The following GRK4 variants were observed in gnomAD, a reference collection of about 807,000 sequenced individuals.
The protein encoded by GRK4 is G protein-coupled receptor kinase 4, also known as G protein-coupled receptor kinase 2-like.
GRK4 carries 73 observed loss-of-function variants against 77.9 expected under a neutral mutation model. That is an observed-to-expected ratio of 0.94 (90% confidence interval 0.78 to 1.14). GRK4 has a LOEUF of 1.14. Among genes scored for constraint, GRK4 ranks in the 50% most tolerant of loss-of-function variants. GRK4 has a pLI of 0.00. For synonymous variants in GRK4, 257 were observed against 254.4 expected, an observed-to-expected ratio of 1.01 and a Z score of -0.10; for missense variants, 729 against 700.2, an observed-to-expected ratio of 1.04 and a Z score of -0.46.
intron 1 of GRK4, chr4:2,966,875 ATCAG>A (rs1299759389): frequency 6.6e-6 from 1 of 152,198 alleles, no homozygotes; most frequent in African/African-American, 2.4e-5. Flanking sequence ...TTCAAATAGA[ATCAG>A]TCAGTCTCAA....
chr4:3,035,498 T>C lies in GRK4; in HGVS notation c.1382T>C (p.Met461Thr), dbSNP rs200216453. 4.9e-5 allele frequency: 79 copies of C among 1,613,954 alleles called. No homozygotes were observed. The highest frequency in any genetic ancestry group is 5.9e-6 in the Non-Finnish European group (7 of 1,179,964). The change falls in exon 13 of 16, where the codon ATG becomes ACG. Residue 461 changes from methionine to threonine, a missense_variant. Met to Thr is a moderately conservative substitution (Grantham distance 81, BLOSUM62 -1). Transcript: ENST00000398052. ...AACTTCAGGAGGCTGGAGGCAAACATGCTGGAGCCCCCTTTCTGTCCTGAT... is the reference window on the plus strand; with the variant it reads ...AACTTCAGGAGGCTGGAGGCAAACACGCTGGAGCCCCCTTTCTGTCCTGAT... Reference protein sequence around the residue: ...DINFRRLEANMLEPPFCPDPH... With the variant: ...DINFRRLEANTLEPPFCPDPH...
At chr4:2,998,081 G>C (rs993338405) in intron 4 of GRK4, among the ~76,000 whole-genome samples, 4 of 152,188 alleles carry the variant, frequency 2.6e-5, no homozygotes, top group African/African-American at 7.2e-5. Context: ...GTATTCACCA[G>C]GCGCAGTGGC....
At chr4:3,035,948 C>G (rs1480033319) in intron 13 of GRK4, among the ~76,000 whole-genome samples, 4 of 151,976 alleles carry the variant, frequency 2.6e-5, no homozygotes, top group Non-Finnish European at 5.9e-5. Flanking sequence ...GGGGAGCCCC[C>G]CAGGTAGCTG....
At position 3,019,718 on chromosome 4, in the gene GRK4, G is replaced by A; in HGVS notation, c.819G>A (p.Lys273=). Residue 273 remains lysine (K), a synonymous_variant, in exon 9 of 16, where the codon AAG becomes AAA. Coordinates refer to ENST00000398052, the MANE Select transcript of GRK4 (RefSeq NM_182982.3). The part of the protein sequence containing the change: ...VLTIMNGGDL[K]FHIYNLGNPG... ...CCATTATGAATGGAGGGGATTTGAA[G>A]TTTCACATTTACAACCTGGGCAATC... 6.2e-7 allele frequency: 1 copy of A among 1,614,202 alleles called. No individual in the cohort carries two copies. The highest frequency in any genetic ancestry group is 8.5e-7 in the Non-Finnish European group (1 of 1,180,032).
chr4:2,976,098 T>A (rs1577979959), intron 1 of GRK4, among the ~76,000 whole-genome samples: 1 of 152,354 alleles, frequency 6.6e-6, no homozygotes, highest in East Asian at 1.9e-4. Flanking sequence ...TTGTTCTCTG[T>A]GTCTGCTTGC....
At chr4:3,010,924 G>A (rs573349578) in intron 7 of GRK4, among the ~76,000 whole-genome samples, 1 of 152,138 alleles carries the variant, frequency 6.6e-6, no homozygotes, top group Non-Finnish European at 1.5e-5. Context: ...GTTACTTCAG[G>A]AGAAGTAACA....
rs756011582 is a variant in GRK4, at chr4:2,964,014, C to G, written c.-57C>G. The G allele has an allele frequency of 1.9e-5, 29 of 1,533,568 alleles. No individual in the cohort carries two copies. Among genetic ancestry groups the G allele is most frequent in the Non-Finnish European group, 2.3e-5 (26 of 1,118,082 alleles). 95.0% of individuals were successfully genotyped at this position (1,533,568 alleles called of 1,614,324 possible). A position where few individuals can be genotyped will look rare whatever the true frequency, so the allele number is the denominator to read the frequency against. ...GGGGGCGGCGGCGTCTCCTCCTGTT[C>G]CGCCTCCTCAGTCTCCTCGGTCTCG... On this transcript the variant is annotated 5_prime_UTR_variant, in exon 1 of 16. Transcript: ENST00000398052.
rs1413047303 is a variant in GRK4 at position 3,008,021 on chromosome 4, A to G, written c.536+193A>G. Among the ~76,000 whole-genome samples the G allele has an allele frequency of 2.0e-5, 3 of 152,320 alleles. No individual in the cohort carries two copies. In the South Asian group the frequency reaches 6.2e-4, roughly 32 times the overall value. On this transcript the variant is annotated intron_variant, in intron 6 of 15. Coordinates refer to ENST00000398052, the MANE Select transcript of GRK4 (RefSeq NM_182982.3). The stretch of plus-strand genomic sequence containing the variant: ...GTAGCAAGACCCCATCTCTAATACA[A>G]CAGAAAAAAAGAAAAGAGACCTCAA...
At chr4:2,970,817 A>C (rs1416141833) in intron 1 of GRK4, 2 of 151,764 alleles carry the variant, frequency 1.3e-5, no homozygotes, top group South Asian at 2.1e-4. Context: ...CTACAGGCAC[A>C]CGCCGCCATG....
chr4:3,031,018 G>A (rs1301371630), intron 12 of GRK4, among the ~76,000 whole-genome samples: 1 of 152,186 alleles, frequency 6.6e-6, no homozygotes, highest in Non-Finnish European at 1.5e-5. Flanking sequence ...TGTGAGAAGT[G>A]ATGGCAGATG....
chr4:3,031,616 G>T (rs1444142360), intron 12 of GRK4, among the ~76,000 whole-genome samples: 1 of 152,314 alleles, frequency 6.6e-6, no homozygotes, highest in East Asian at 1.9e-4. Flanking sequence ...ACAGGGAACG[G>T]CAGGTTCAAC....
chr4:3,011,655 G>T (rs985352890), intron 7 of GRK4, among the ~76,000 whole-genome samples: 12 of 152,228 alleles, frequency 7.9e-5, no homozygotes, highest in African/African-American at 2.9e-4. Flanking sequence ...GTCAGAAGGA[G>T]CCCTGCTTGC....
At chr4:3,021,337 G>A (rs906722327) in intron 9 of GRK4, among the ~76,000 whole-genome samples, 1 of 152,178 alleles carries the variant, frequency 6.6e-6, no homozygotes, top group African/African-American at 2.4e-5. Flanking sequence ...ACAGCACGAG[G>A]GTGTGAGCAT....
At position 3,035,519 on chromosome 4, in the gene GRK4, C is replaced by T. The variant is rs1422084667; in HGVS notation, c.1403C>T (p.Pro468Leu). Reference protein sequence around the residue: ...EANMLEPPFCPDPHAVYCKDV... With the variant: ...EANMLEPPFCLDPHAVYCKDV... ...AACATGCTGGAGCCCCCTTTCTGTC[C>T]TGATGTAAGTGCATTGCCAGGACGA... The change falls in exon 13 of 16, where the codon CCT becomes CTT. Residue 468 changes from proline (P) to leucine (L), a missense_variant. By Grantham distance (98) the Pro-to-Leu change is moderately conservative. Transcript: ENST00000398052. 5.0e-6 allele frequency: 8 copies of T among 1,612,800 alleles called. No individual in the cohort carries two copies. The highest frequency in any genetic ancestry group is 6.8e-6 in the Non-Finnish European group (8 of 1,179,456).
At chr4:3,013,597 G>T in intron 7 of GRK4, 91 bp from the exon 8 acceptor site, 2 of 1,456,884 alleles carry the variant, frequency 1.4e-6, no homozygotes, top group South Asian at 2.8e-5. Flanking sequence ...GTCTCTGCCA[G>T]TGAGGGTCTC....
chr4:2,969,294 C>G (rs138157095), intron 1 of GRK4: 38 of 152,270 alleles, frequency 2.5e-4, no homozygotes, highest in African/African-American at 6.0e-4. Flanking sequence ...CCCGCCTTGC[C>G]CTTCCAAATT....
At chr4:3,010,214 TTTTTGTTTTG>T (rs56964555) in intron 7 of GRK4, among the ~76,000 whole-genome samples, 1,541 of 151,926 alleles carry the variant, frequency 0.01, 26 homozygotes, top group African/African-American at 0.036. Flanking sequence ...AGGGGTGTTT[TTTTTGTTTTG>T]TTTTGTTTTG....
At chr4:2,994,543 G>T (rs940253249) in intron 4 of GRK4, among the ~76,000 whole-genome samples, 3 of 152,056 alleles carry the variant, frequency 2.0e-5, no homozygotes, top group African/African-American at 4.8e-5. Context: ...TTTTAAATTA[G>T]CTCCCTTTTC....
In GRK4 at chr4:2,963,961, A is replaced by G; in HGVS notation, c.-110A>G. 2.0e-6 allele frequency: 2 copies of G among 976,912 alleles called. No homozygotes were observed. Among genetic ancestry groups the G allele is most frequent in the Non-Finnish European group, 1.6e-6 (1 of 630,478 alleles). 60.5% of individuals were successfully genotyped at this position (976,912 alleles called of 1,614,324 possible). On this transcript the variant is annotated 5_prime_UTR_variant, in exon 1 of 16. Transcript: ENST00000398052. ...CCGGGATCGTGTCCGGAGCTCGAGG[A>G]GAGGGTGGTGCCCGGCGAGCTATGC...
Sources: allele counts gnomAD v4.1 joint callset (sites outside exome capture counted in the v4.1 genomes callset), GRCh38; gene constraint gnomAD v4.1.1; transcripts MANE v1.5; gene names NCBI Gene and HGNC (gene_info 2026-07-23, HGNC 2026-07-21).